TMEM43: variants seen among roughly 807,000 people sequenced by gnomAD.
TMEM43 encodes the protein arrhythmogenic right ventricular dysplasia 5.
A neutral mutation model predicts 49.6 loss-of-function variants in TMEM43; 45 were observed. That is an observed-to-expected ratio of 0.91 (90% CI 0.71 to 1.16). The LOEUF is 1.16. Ranked by LOEUF, TMEM43 falls within the 50% of genes most tolerant of loss-of-function variation. The pLI is 0.00. For missense variants in TMEM43, 532 were observed against 516.6 expected, an observed-to-expected ratio of 1.03 and a Z score of -0.29; for synonymous variants, 199 against 207.8, an observed-to-expected ratio of 0.96 and a Z score of 0.36.
In TMEM43 at chr3:14,130,712, TG is replaced by T. The variant is rs149643520; in HGVS notation, c.163-107del. The T allele has an allele frequency of 1.7e-5, 23 of 1,391,522 alleles. No homozygotes were observed. In the African/African-American group the frequency reaches 2.6e-4, roughly 16 times the overall value. 86.2% of individuals were successfully genotyped at this position (1,391,522 alleles called of 1,614,324 possible). ...GTTTTCCAACTGTACGGTGGGGAGA[TG>T]GGTCTCAGCGCTCCCGGAGGCCCCA... On this transcript the variant is annotated intron_variant, in intron 2 of 11. Coordinates refer to ENST00000306077, the MANE Select transcript of TMEM43 (RefSeq NM_024334.3).
In TMEM43 at chr3:14,134,951, T is replaced by C. The variant is rs540462307; in HGVS notation, c.705+60T>C. 2.2e-5 allele frequency: 36 copies of C among 1,609,932 alleles called. No individual in the cohort carries two copies. In the African/African-American group the frequency reaches 4.3e-4, roughly 19 times the overall value. ...GGTCAGGGCGCTAGGATCAGGTTCC[T>C]GCGCCAGGCAGATTCAGTTCAGTCG... On this transcript the variant is annotated intron_variant, in intron 8 of 11. Coordinates refer to ENST00000306077, the MANE Select transcript of TMEM43 (RefSeq NM_024334.3).
intron 11 of TMEM43, 82 bp downstream of exon 11, chr3:14,139,379 C>T: frequency 2.0e-6 from 2 of 988,814 alleles, no homozygotes; most frequent in Non-Finnish European, 3.3e-6. Flanking sequence ...TCAGCCCTTC[C>T]AGCCTGATGG....
intron 6 of TMEM43, 139 bp from the exon 7 acceptor site, chr3:14,133,600 C>G: frequency 2.5e-6 from 2 of 816,134 alleles, no homozygotes; most frequent in Non-Finnish European, 4.3e-6. Context: ...GTGGACAGGA[C>G]AAGATGTCTG....
At chr3:14,133,082 C>T (rs981819676) in intron 6 of TMEM43, 147 bp downstream of exon 6, 1 of 727,538 alleles carries the variant, frequency 1.4e-6, no homozygotes, top group Admixed American at 2.1e-5. Context: ...AAGCCCTGTG[C>T]TGGGCACCAG....
chr3:14,132,311 C>T (rs1361253308), intron 4 of TMEM43, among the ~76,000 whole-genome samples: 1 of 152,098 alleles, frequency 6.6e-6, no homozygotes, highest in Non-Finnish European at 1.5e-5. Flanking sequence ...CCAGTGCGGG[C>T]AGATTTCAGC....
intron 6 of TMEM43, among the ~76,000 whole-genome samples, chr3:14,133,375 C>T (rs897720986): frequency 2.6e-5 from 4 of 152,158 alleles, no homozygotes; most frequent in Admixed American, 2.0e-4. Flanking sequence ...AGGCCTTGTT[C>T]AGCAATGGTC....
intron 2 of TMEM43, among the ~76,000 whole-genome samples, chr3:14,130,032 CCTTT>C (rs1206841249): frequency 7.3e-6 from 1 of 137,712 alleles, no homozygotes; most frequent in Non-Finnish European, 1.6e-5. Flanking sequence ...TCCCTCCCTT[CCTTT>C]GTTCCTTTCT....
chr3:14,138,538 A>G (rs1023747377), intron 10 of TMEM43, among the ~76,000 whole-genome samples: 1 of 152,184 alleles, frequency 6.6e-6, no homozygotes, highest in Non-Finnish European at 1.5e-5. Context: ...CAGTGTCAGC[A>G]CTAGACAGGC....
chr3:14,135,709 C>T, intron 9 of TMEM43, 98 bp from the exon 10 acceptor site: 4 of 1,010,246 alleles, frequency 4.0e-6, no homozygotes, highest in Non-Finnish European at 6.1e-6. Context: ...TGCTCACTTC[C>T]CCAGCCGGCA....
intron 1 of TMEM43, among the ~76,000 whole-genome samples, chr3:14,127,887 C>G (rs1286664688): frequency 1.3e-5 from 2 of 152,208 alleles, no homozygotes; most frequent in Admixed American, 1.3e-4. Context: ...GCCCCCAATA[C>G]CAGGATGGGG....
chr3:14,141,842 G>C lies in TMEM43; in HGVS notation c.*47G>C, dbSNP rs1442064745. 2 of 1,569,202 alleles carry C rather than the reference G, an allele frequency of 1.3e-6. No homozygotes were observed. The highest frequency in any genetic ancestry group is 2.3e-5 in the East Asian group (1 of 43,144). On this transcript the variant is annotated 3_prime_UTR_variant, in exon 12 of 12. Transcript: ENST00000306077. ...ACACCTGCGTGAGCCCTAGGATCCA[G>C]GTCCTCTCTCACCTCTGACCCAGCT...
intron 1 of TMEM43, among the ~76,000 whole-genome samples, chr3:14,125,883 A>G (rs577546540): frequency 6.6e-6 from 1 of 152,266 alleles, no homozygotes; most frequent in Non-Finnish European, 1.5e-5. Context: ...TTCTCGGGAA[A>G]CTATTTAAGC....
rs2124999113 is a variant in TMEM43, at chr3:14,143,319, C to T, written c.*1524C>T. On this transcript the variant is annotated 3_prime_UTR_variant, in exon 12 of 12. Transcript: ENST00000306077. ...AGAGATCTGTAATCATCTCTATTGG[C>T]CTGGGGTGCCTGTGCTATAAATGAG... The T allele has an allele frequency of 6.6e-6, 1 of 152,290 alleles. No individual in the cohort carries two copies. 9.4% of individuals were successfully genotyped at this position (152,290 alleles called of 1,614,324 possible). A position where few individuals can be genotyped will look rare whatever the true frequency, so the allele number is the denominator to read the frequency against.
intron 1 of TMEM43, among the ~76,000 whole-genome samples, chr3:14,126,669 A>G (rs545579396): frequency 6.6e-6 from 1 of 152,324 alleles, no homozygotes; most frequent in East Asian, 1.9e-4. Flanking sequence ...GGGTAGCACA[A>G]ATGGTCCCAG....
chr3:14,133,851 C>A, intron 7 of TMEM43, 42 bp downstream of exon 7: 1 of 1,578,986 alleles, frequency 6.3e-7, no homozygotes, highest in Non-Finnish European at 8.7e-7. Flanking sequence ...GCCAGAAGCA[C>A]AAGGCCCCCC....
At chr3:14,131,728 T>C (rs1695099910) in intron 4 of TMEM43, 54 bp downstream of exon 4, 1 of 1,309,012 alleles carries the variant, frequency 7.6e-7, no homozygotes, top group African/African-American at 1.5e-5. Flanking sequence ...GAAGTGTAGG[T>C]GTCAGGATAA....
chr3:14,135,041 C>T, intron 8 of TMEM43, 117 bp from the exon 9 acceptor site: 1 of 1,491,404 alleles, frequency 6.7e-7, no homozygotes, highest in South Asian at 1.1e-5. Context: ...ACGGCACAGC[C>T]TGGGCACGGG....
At chr3:14,133,657 C>A in intron 6 of TMEM43, 82 bp from the exon 7 acceptor site, 1 of 1,348,752 alleles carries the variant, frequency 7.4e-7, no homozygotes, top group Non-Finnish European at 1.1e-6. Flanking sequence ...GGGTGGGGAC[C>A]CTGCCCAGCA....
intron 10 of TMEM43, among the ~76,000 whole-genome samples, chr3:14,138,874 C>G (rs1272257895): frequency 6.6e-6 from 1 of 152,212 alleles, no homozygotes; most frequent in African/African-American, 2.4e-5. Context: ...ATCCTCCAAC[C>G]TGCTCAGGGG....
Sources: allele counts gnomAD v4.1 joint callset (sites outside exome capture counted in the v4.1 genomes callset), GRCh38; gene constraint gnomAD v4.1.1; transcripts MANE v1.5; gene names NCBI Gene and HGNC (gene_info 2026-07-23, HGNC 2026-07-21).